HDAC4: variants seen among roughly 807,000 people sequenced by gnomAD.
The protein encoded by HDAC4 is histone deacetylase A.
In HDAC4, 16 loss-of-function variants were observed where a neutral mutation model predicts 135.1. The ratio of observed to expected loss-of-function variants is 0.12; its 90% CI spans 0.08 to 0.18. HDAC4 has a LOEUF of 0.18. Ranked by LOEUF, HDAC4 falls within the 10% of genes least tolerant of loss-of-function variation. HDAC4 has a pLI of 1.00. For missense variants in HDAC4, 1,143 were observed against 1,511.8 expected, an observed-to-expected ratio of 0.76 and a Z score of 4.05; for synonymous variants, 685 against 653.4, an observed-to-expected ratio of 1.05 and a Z score of -0.74.
intron 2 of HDAC4, among the ~76,000 whole-genome samples, chr2:239,311,462 T>C (rs1018497374): frequency 6.6e-6 from 1 of 152,214 alleles, no homozygotes; most frequent in Non-Finnish European, 1.5e-5. Flanking sequence ...TGGCACTCCT[T>C]TCCAAGCATC....
chr2:239,134,699 T>C, intron 9 of HDAC4, 56 bp from the exon 10 acceptor site: 1 of 1,302,238 alleles, frequency 7.7e-7, no homozygotes, highest in Non-Finnish European at 1.1e-6. Context: ...ACATCAGCAA[T>C]ATACACCAAG....
chr2:239,301,386 A>AGTGATGCCAGGCGAG (rs2052251050), intron 2 of HDAC4, among the ~76,000 whole-genome samples: 2 of 151,936 alleles, frequency 1.3e-5, no homozygotes, highest in Non-Finnish European at 2.9e-5. Flanking sequence ...AGCAGCCCAC[A>AGTGATGCCAGGCGAG]GCCAGTGATG....
intron 3 of HDAC4, among the ~76,000 whole-genome samples, chr2:239,223,408 C>T (rs1041154769): frequency 1.3e-5 from 2 of 152,156 alleles, no homozygotes; most frequent in Admixed American, 6.5e-5. Context: ...CTTTCAAGGG[C>T]GCTGCGGGTC....
At chr2:239,124,787 GCCGCGTTATATGACATT>G (rs1559475665) in intron 12 of HDAC4, among the ~76,000 whole-genome samples, 563 of 115,676 alleles carry the variant, frequency 4.9e-3, no homozygotes, top group African/African-American at 1.0e-2. Flanking sequence ...CTGGCGTGTG[GCCGCGTTATATGACATT>G]CCACGTTATG....
At chr2:239,241,320 C>G (rs566118614) in intron 2 of HDAC4, among the ~76,000 whole-genome samples, 1 of 152,318 alleles carries the variant, frequency 6.6e-6, no homozygotes, top group African/African-American at 2.4e-5. Flanking sequence ...CTGGGAACAC[C>G]TAGTCCTGCC....
rs1575646101 is a variant in HDAC4 at position 239,299,317 on chromosome 2, T to A, written c.22+53361A>T. 6.6e-6 allele frequency among the ~76,000 whole-genome samples: 1 copy of A among 152,224 alleles called. No individual in the cohort carries two copies. The highest frequency in any genetic ancestry group is 2.4e-5 in the African/African-American group (1 of 41,458). On this transcript the variant is annotated intron_variant, in intron 2 of 26. Transcript: ENST00000543185. This position sits in a 1 kb window ranked among gnomAD's most constrained non-coding sequence, Gnocchi z 4.0. Reference sequence around the variant, plus strand: ...ATCCTGTACAATAGGTTTATTTGTTTTGTTTCAAATGCCAAGTAGAGATAT... The same window carrying A: ...ATCCTGTACAATAGGTTTATTTGTTATGTTTCAAATGCCAAGTAGAGATAT...
intron 17 of HDAC4, among the ~76,000 whole-genome samples, chr2:239,092,985 A>G (rs1387669907): frequency 6.6e-6 from 1 of 152,028 alleles, no homozygotes; most frequent in Non-Finnish European, 1.5e-5. Flanking sequence ...AATCCCATGG[A>G]GTCTAAAAGG....
At chr2:239,399,796 T>C (rs1696818201) in intron 1 of HDAC4, among the ~76,000 whole-genome samples, 1 of 152,210 alleles carries the variant, frequency 6.6e-6, no homozygotes, top group Non-Finnish European at 1.5e-5. Context: ...GTCTCTACAG[T>C]CATGCAATTA....
chr2:239,104,726 G>A (rs907783915), intron 15 of HDAC4, among the ~76,000 whole-genome samples: 1 of 152,248 alleles, frequency 6.6e-6, no homozygotes, highest in Non-Finnish European at 1.5e-5. Context: ...GTGAAAGAAC[G>A]GCAGGGTAGC....
At chr2:239,062,996 G>C (rs570665443) in intron 24 of HDAC4, among the ~76,000 whole-genome samples, 167 of 152,248 alleles carry the variant, frequency 1.1e-3, no homozygotes, top group African/African-American at 4.0e-3. Flanking sequence ...GCAAGGTCCT[G>C]ACCCCGCCAA....
At chr2:239,377,051 C>T (rs1253155034) in intron 1 of HDAC4, among the ~76,000 whole-genome samples, 2 of 152,148 alleles carry the variant, frequency 1.3e-5, no homozygotes, top group Non-Finnish European at 2.9e-5. Context: ...AACACCTTAC[C>T]CGTGAGCGTG....
At chr2:239,117,864 C>T (rs936568673) in intron 12 of HDAC4, among the ~76,000 whole-genome samples, 2 of 152,184 alleles carry the variant, frequency 1.3e-5, no homozygotes, top group Non-Finnish European at 2.9e-5. Context: ...GCACCGCATC[C>T]GACTGTTTCC....
chr2:239,053,495 G>A lies in HDAC4; in HGVS notation c.3195C>T (p.Ala1065=), dbSNP rs1574834205. The part of the protein sequence containing the change: ...NEEAETVTAM[A]SLSVGVKPAE... ...CGGGCTTCACGCCCACGGACAGCGA[G>A]GCCATGGCGGTGACCGTCTCGGCTT... Residue 1065 remains alanine (A), a synonymous_variant, in exon 26 of 27, where the codon GCC becomes GCT. Coordinates refer to ENST00000543185, the MANE Select transcript of HDAC4 (RefSeq NM_001378414.1). The A allele has an allele frequency of 6.2e-7, 1 of 1,613,718 alleles. No individual in the cohort carries two copies. The highest frequency in any genetic ancestry group is 1.7e-5 in the Admixed American group (1 of 60,026).
At chr2:239,166,004 T>C (rs1048478346) in intron 5 of HDAC4, among the ~76,000 whole-genome samples, 3 of 152,240 alleles carry the variant, frequency 2.0e-5, no homozygotes, top group Non-Finnish European at 2.9e-5. Context: ...TATAAGGCTC[T>C]ATGGATATTC....
At chr2:239,397,280 C>T (rs570826060) in intron 1 of HDAC4, among the ~76,000 whole-genome samples, 117 of 152,324 alleles carry the variant, frequency 7.7e-4, no homozygotes, top group African/African-American at 2.7e-3. Context: ...CATTCTACCC[C>T]CAGTTCCTCC....
intron 1 of HDAC4, among the ~76,000 whole-genome samples, chr2:239,370,501 C>T (rs943081081): frequency 1.3e-5 from 2 of 152,206 alleles, no homozygotes; most frequent in African/African-American, 4.8e-5. Context: ...TCTGGACTCC[C>T]TGCAGCGCCC....
rs537612919 is a variant in HDAC4 at position 239,207,741 on chromosome 2, A to G, written c.95-17664T>C. 1.2e-3 allele frequency among the ~76,000 whole-genome samples: 188 copies of G among 152,338 alleles called. 1 individual carries two copies. The highest frequency in any genetic ancestry group is 4.4e-3 in the African/African-American group (182 of 41,576). On this transcript the variant is annotated intron_variant, in intron 3 of 26. Coordinates refer to ENST00000543185, the MANE Select transcript of HDAC4 (RefSeq NM_001378414.1). Reference sequence around the variant, plus strand: ...AATTAATACTTTAAAATCTTTTCACAAAAATCATTTTAAAGGCAGCGACAG... The same window carrying G: ...AATTAATACTTTAAAATCTTTTCACGAAAATCATTTTAAAGGCAGCGACAG...
intron 2 of HDAC4, among the ~76,000 whole-genome samples, chr2:239,297,365 C>T (rs887468358): frequency 6.6e-6 from 1 of 152,236 alleles, no homozygotes; most frequent in Non-Finnish European, 1.5e-5. Context: ...ATCCGTGCCA[C>T]CAACCTGTGG....
chr2:239,121,523 G>A (rs2039690318), intron 12 of HDAC4, among the ~76,000 whole-genome samples: 2 of 152,238 alleles, frequency 1.3e-5, no homozygotes. Flanking sequence ...GCTGGCTGCG[G>A]ATGGCGTGTG....
Sources: gnomAD v4.1 joint callset for allele counts (sites outside exome capture counted in the v4.1 genomes callset) on GRCh38, gnomAD v4.1.1 for gene constraint, Gnocchi (gnomAD v3.1) non-coding constraint, MANE v1.5 for transcripts, NCBI Gene and HGNC (gene_info 2026-07-23, HGNC 2026-07-21) for gene names.